DIP2B: variants seen among roughly 807,000 people sequenced by gnomAD.
The protein encoded by DIP2B is disco-interacting protein 2 homolog B.
Under a neutral mutation model 198.0 loss-of-function variants are expected in DIP2B, and 76 were observed. That is an observed-to-expected ratio of 0.38 (90% confidence interval 0.32 to 0.46). The LOEUF (loss-of-function observed/expected upper bound fraction) is 0.46, where lower values mean the gene tolerates loss of function less well. Ranked by LOEUF, DIP2B falls within the 20% of genes least tolerant of loss-of-function variation. The pLI, the probability that DIP2B is intolerant of heterozygous loss-of-function variation, is 0.99. For missense variants in DIP2B, 1,559 were observed against 1,978.4 expected, an observed-to-expected ratio of 0.79 and a Z score of 4.02; for synonymous variants, 701 against 739.1, an observed-to-expected ratio of 0.95 and a Z score of 0.84.
intron 1 of DIP2B, among the ~76,000 whole-genome samples, chr12:50,602,974 C>T (rs761651304): frequency 4.6e-5 from 7 of 151,172 alleles, no homozygotes; most frequent in Non-Finnish European, 1.0e-4. Context: ...ACCATCCTGG[C>T]ATACACGGTG....
intron 28 of DIP2B, among the ~76,000 whole-genome samples, chr12:50,725,490 A>G (rs1209291531): frequency 3.3e-5 from 5 of 152,236 alleles, no homozygotes. Context: ...AAGCTGTGGT[A>G]TAGGAAGAGT....
chr12:50,523,479 G>C (rs1958137959), intron 1 of DIP2B, among the ~76,000 whole-genome samples: 1 of 152,258 alleles, frequency 6.6e-6, no homozygotes, highest in African/African-American at 2.4e-5. Context: ...TCCTGAATGA[G>C]AAGACTGATA....
At chr12:50,563,476 T>G (rs997469755) in intron 1 of DIP2B, among the ~76,000 whole-genome samples, 2 of 147,494 alleles carry the variant, frequency 1.4e-5, no homozygotes, top group African/African-American at 5.0e-5. Context: ...TATGAGCCAC[T>G]GCACCTGGCC....
At chr12:50,727,839 C>T in intron 29 of DIP2B, 27 bp downstream of exon 29, 1 of 1,578,382 alleles carries the variant, frequency 6.3e-7, no homozygotes, top group Non-Finnish European at 8.7e-7. Flanking sequence ...AAAAATGCCA[C>T]ATCTGCCAAA....
At chr12:50,726,922 G>C (rs1393485751) in intron 28 of DIP2B, among the ~76,000 whole-genome samples, 1 of 152,094 alleles carries the variant, frequency 6.6e-6, no homozygotes, top group Non-Finnish European at 1.5e-5. Flanking sequence ...AGACTAGCCT[G>C]GGCAATACAG....
At chr12:50,681,404 T>A (rs1939037916) in intron 9 of DIP2B, among the ~76,000 whole-genome samples, 1 of 151,976 alleles carries the variant, frequency 6.6e-6, no homozygotes, top group Non-Finnish European at 1.5e-5. Context: ...CCACTGCATT[T>A]GTGTGGGCAA....
chr12:50,741,335 G>T, intron 36 of DIP2B, 81 bp from the exon 37 acceptor site: 1 of 1,517,630 alleles, frequency 6.6e-7, no homozygotes, highest in South Asian at 1.3e-5. Context: ...CAGGCAGTCT[G>T]ACCCCTGTGC....
intron 1 of DIP2B, among the ~76,000 whole-genome samples, chr12:50,602,224 T>C (rs1365997916): frequency 2.0e-5 from 3 of 152,234 alleles, no homozygotes; most frequent in Non-Finnish European, 4.4e-5. Context: ...AAGATACTTA[T>C]GTATAAGTTA....
intron 7 of DIP2B, among the ~76,000 whole-genome samples, chr12:50,676,384 A>G (rs958044524): frequency 6.6e-6 from 1 of 152,172 alleles, no homozygotes; most frequent in African/African-American, 2.4e-5. Context: ...TCTTAGCCCA[A>G]TTTATACCGC....
chr12:50,508,713 T>A (rs1405214719), intron 1 of DIP2B, among the ~76,000 whole-genome samples: 4 of 18,144 alleles, frequency 2.2e-4, no homozygotes, highest in African/African-American at 5.8e-4. Context: ...AAATGCTACC[T>A]TTTTTTTTTT....
At chr12:50,642,847 G>A (rs1289756486) in intron 3 of DIP2B, among the ~76,000 whole-genome samples, 1 of 152,068 alleles carries the variant, frequency 6.6e-6, no homozygotes, top group Non-Finnish European at 1.5e-5. Flanking sequence ...AGAAAGGGAG[G>A]GCTGGAAGTA....
rs1446242321 is a variant in DIP2B at position 50,649,589 on chromosome 12, C to T, written c.301+8737C>T. ...AAACTTCAGGCCAGGTGTGGTGGCT[C>T]ACACCTGTAATCCCAGCAAGTTGGG... On this transcript the variant is annotated intron_variant, in intron 3 of 37. Transcript: ENST00000301180. 4.6e-5 allele frequency among the ~76,000 whole-genome samples: 7 copies of T among 152,204 alleles called. No individual in the cohort carries two copies. In the East Asian group the frequency reaches 9.6e-4, roughly 21 times the overall value.
intron 1 of DIP2B, among the ~76,000 whole-genome samples, chr12:50,554,328 A>G (rs1958450763): frequency 6.6e-6 from 1 of 152,158 alleles, no homozygotes; most frequent in Non-Finnish European, 1.5e-5. Flanking sequence ...TTAATACTTA[A>G]GTTATGACTA....
At chr12:50,677,790 A>G (rs1938973219) in intron 7 of DIP2B, among the ~76,000 whole-genome samples, 1 of 152,032 alleles carries the variant, frequency 6.6e-6, no homozygotes, top group Admixed American at 6.6e-5. Flanking sequence ...CACACAACCA[A>G]ATTCAGTCCA....
intron 2 of DIP2B, among the ~76,000 whole-genome samples, chr12:50,629,047 T>C (rs543961459): frequency 1.6e-4 from 25 of 152,142 alleles, no homozygotes; most frequent in Admixed American, 4.6e-4. Context: ...CCCAGCTAAT[T>C]TTTGTATTTT....
At chr12:50,630,349 T>TCCCTCCCCTC (rs1423390535) in intron 2 of DIP2B, among the ~76,000 whole-genome samples, 12 of 152,208 alleles carry the variant, frequency 7.9e-5, no homozygotes, top group African/African-American at 2.6e-4. Flanking sequence ...TGTCTCCCCT[T>TCCCTCCCCTC]CCCTCTTGTC....
chr12:50,623,423 ACACACACACACACACTCT>A (rs1187929367), intron 1 of DIP2B, among the ~76,000 whole-genome samples: 1,805 of 112,314 alleles, frequency 0.016, 16 homozygotes, highest in African/African-American at 0.032. Flanking sequence ...ACACACACAC[ACACACACACACACACTCT>A]CTCTCTCTCT....
chr12:50,595,831 A>G (rs1402664968), intron 1 of DIP2B, among the ~76,000 whole-genome samples: 4 of 152,196 alleles, frequency 2.6e-5, no homozygotes, highest in Non-Finnish European at 5.9e-5. Context: ...AAGTAAATAA[A>G]TAGCCTCTGG....
chr12:50,512,929 C>G (rs543966622), intron 1 of DIP2B, among the ~76,000 whole-genome samples: 8 of 152,112 alleles, frequency 5.3e-5, no homozygotes, highest in Non-Finnish European at 1.2e-4. Flanking sequence ...ATTGCTTGAA[C>G]CCGGGAGGCG....
Sources: allele counts gnomAD v4.1 joint callset (sites outside exome capture counted in the v4.1 genomes callset), GRCh38; gene constraint gnomAD v4.1.1; transcripts MANE v1.5; gene names NCBI Gene and HGNC (gene_info 2026-07-23, HGNC 2026-07-21).